FXR2: variants seen among roughly 807,000 people sequenced by gnomAD.
FXR2 encodes the protein FMR1 autosomal homolog 2, also known as RNA-binding protein FXR2.
A neutral mutation model predicts 87.3 loss-of-function variants in FXR2; 9 were observed. The ratio of observed to expected loss-of-function variants is 0.10; its 90% confidence interval spans 0.06 to 0.18. The LOEUF (loss-of-function observed/expected upper bound fraction) is 0.18, where lower values mean the gene tolerates loss of function less well. FXR2 is among the 10% of genes least tolerant of loss of function. The probability of loss-of-function intolerance (pLI) is 1.00; values close to 1 mark genes in which losing one functional copy is unlikely to be tolerated. For missense variants in FXR2, 661 were observed against 893.6 expected (o/e 0.74, Z 3.32); for synonymous variants, 331 against 328.3 (o/e 1.01, Z -0.09).
intron 1 of FXR2, among the ~76,000 whole-genome samples, chr17:7,613,541 C>A (rs1347931744): frequency 1.3e-5 from 2 of 152,204 alleles, no homozygotes; most frequent in African/African-American, 4.8e-5. Flanking sequence ...AAAGATGATC[C>A]CGTCTTCCAA....
intron 1 of FXR2, among the ~76,000 whole-genome samples, chr17:7,609,986 A>ATACATGTATATG (rs1405200404): frequency 3.2e-4 from 31 of 98,032 alleles, no homozygotes; most frequent in African/African-American, 1.2e-3. Context: ...ATACATATAT[A>ATACATGTATATG]TATACATGTA....
intron 1 of FXR2, among the ~76,000 whole-genome samples, chr17:7,612,632 A>G (rs1056916166): frequency 6.6e-5 from 10 of 152,168 alleles, no homozygotes; most frequent in African/African-American, 2.4e-4. Flanking sequence ...GGGTACCCAC[A>G]GTCACCGCAG....
At position 7,596,136 on chromosome 17, in the gene FXR2, G is replaced by A. The variant is rs558520483; in HGVS notation, c.661-142C>T. 2.5e-5 allele frequency: 17 copies of A among 667,922 alleles called. No individual in the cohort carries two copies. The African/African-American group carries it at 2.7e-4, about 11-fold the overall frequency. The allele number at this position is 667,922 out of a possible 1,614,324, so 41.4% of individuals were successfully genotyped here. A position where few individuals can be genotyped will look rare whatever the true frequency, so the allele number is the denominator to read the frequency against. ...CACTCTGGAGTCCGCGGACCACGAG[G>A]ACCTGTGTGGAAAGGTCAGGAACTT... On this transcript the variant is annotated intron_variant, in intron 7 of 16. Coordinates refer to ENST00000250113, the MANE Select transcript of FXR2 (RefSeq NM_004860.4).
rs1192738760 is a variant in FXR2 at position 7,606,105 on chromosome 17, A to G, written c.126T>C (p.Phe42=). The G allele has an allele frequency of 3.9e-6, 6 of 1,541,828 alleles. No homozygotes were observed. The Admixed American group carries it at 7.9e-5, about 20-fold the overall frequency. The change falls in exon 2 of 17, where the codon TTT becomes TTC. Residue 42 remains phenylalanine (F), a synonymous_variant. Coordinates refer to ENST00000250113, the MANE Select transcript of FXR2 (RefSeq NM_004860.4). ...DVHEDSVTIF[F]ENNWQSERQI... ...TATTCCCAAGGTCTTACTTGTTTTC[A>G]AAGAAGATGGTGACAGAGTCTTCAT...
intron 2 of FXR2, 148 bp downstream of exon 2, chr17:7,605,949 C>A: frequency 1.5e-6 from 1 of 660,164 alleles, no homozygotes; most frequent in Non-Finnish European, 2.6e-6. Context: ...AATTCTCAGC[C>A]CTTTCCTCTC....
intron 3 of FXR2, 49 bp from the exon 4 acceptor site, chr17:7,604,129 A>G: frequency 7.2e-7 from 1 of 1,391,474 alleles, no homozygotes; most frequent in Non-Finnish European, 1.0e-6. Context: ...ACCCAAAAGC[A>G]TCAAGAAAGG....
chr17:7,608,442 A>AAATAAT (rs1555572103), intron 1 of FXR2, among the ~76,000 whole-genome samples: 1 of 143,078 alleles, frequency 7.0e-6, no homozygotes, highest in Admixed American at 7.1e-5. Context: ...AAAAAAAAAA[A>AAATAAT]AATAATAATA....
chr17:7,611,622 C>T (rs2071865632), intron 1 of FXR2, among the ~76,000 whole-genome samples: 1 of 151,962 alleles, frequency 6.6e-6, no homozygotes, highest in Admixed American at 6.6e-5. Flanking sequence ...GAGACGACAT[C>T]ACGCCACTGT....
At chr17:7,608,625 AAAAAGAAG>A (rs1435874187) in intron 1 of FXR2, among the ~76,000 whole-genome samples, 136 of 151,018 alleles carry the variant, frequency 9.0e-4, no homozygotes, top group Middle Eastern at 3.4e-3. Context: ...TCAAAAAAAA[AAAAAGAAG>A]AAAAGAAGAA....
At chr17:7,606,587 T>C (rs754703663) in intron 1 of FXR2, among the ~76,000 whole-genome samples, 2 of 152,132 alleles carry the variant, frequency 1.3e-5, no homozygotes, top group Non-Finnish European at 2.9e-5. Flanking sequence ...ACCTCCGCAA[T>C]ACAGCAAGAG....
At chr17:7,602,768 G>A (rs892087329) in intron 6 of FXR2, 141 bp downstream of exon 6, 1 of 578,092 alleles carries the variant, frequency 1.7e-6, no homozygotes, top group Non-Finnish European at 3.1e-6. Context: ...ACCTGGGCCT[G>A]TAGGAGTCAG....
At position 7,592,518 on chromosome 17, in the gene FXR2, C is replaced by A; in HGVS notation, c.1811G>T (p.Gly604Val). The change falls in exon 15 of 17, where the codon GGA (glycine) becomes GTA (valine). Residue 604 changes from glycine (G) to valine (V), a missense_variant. By Grantham distance (109) the Gly-to-Val change is moderately radical (BLOSUM62 -3). Transcript: ENST00000250113. This position sits in a 1 kb window ranked among gnomAD's most constrained non-coding sequence, Gnocchi z 4.8. The part of the protein sequence containing the change: ...RGNRTDGSIS[G>V]DRQPVTVADY... ...AGTTGGCTGACCTGGCTGGCGGTCTCCACTGATAGAGCCATCAGTCCGATT... is the reference window on the plus strand; with the variant it reads ...AGTTGGCTGACCTGGCTGGCGGTCTACACTGATAGAGCCATCAGTCCGATT... 6.2e-7 allele frequency: 1 copy of A among 1,613,770 alleles called. No homozygotes were observed. The highest frequency in any genetic ancestry group is 8.5e-7 in the Non-Finnish European group (1 of 1,179,678).
Position 7,613,953 on chromosome 17 carries a change from G to T in FXR2, c.81+499C>A, listed in dbSNP as rs146024104. The T allele has an allele frequency of 6.4e-4, 280 of 436,396 alleles. 1 individual carries two copies. The highest frequency in any genetic ancestry group is 5.1e-3 in the African/African-American group (254 of 49,456). 27.0% of individuals were successfully genotyped at this position (436,396 alleles called of 1,614,324 possible). The stretch of plus-strand genomic sequence containing the variant: ...TGGCTTGGGAACCGGAATATAAGAT[G>T]AAAGTGGGGTGAGTGTTCCAGAGCC... On this transcript the variant is annotated intron_variant, in intron 1 of 16. Coordinates refer to ENST00000250113, the MANE Select transcript of FXR2 (RefSeq NM_004860.4).
chr17:7,608,638 GAAGAA>G (rs893365102), intron 1 of FXR2, among the ~76,000 whole-genome samples: 8 of 149,968 alleles, frequency 5.3e-5, no homozygotes, highest in Admixed American at 2.0e-4. Flanking sequence ...AAGAAGAAAA[GAAGAA>G]AAGAAAAGAC....
chr17:7,592,776 G>GCGGGAGCGGCGGCGC lies in FXR2; in HGVS notation c.1632_1646dup (p.Ser548_Arg552dup). On this transcript the variant is annotated inframe_insertion, in exon 14 of 17. Coordinates refer to ENST00000250113, the MANE Select transcript of FXR2 (RefSeq NM_004860.4). The surrounding 1 kb of genome is among the most constrained non-coding windows in gnomAD (Gnocchi z 4.8). ...TCCTGTCTTCATCAGTGCGGCGGCG[G>GCGGGAGCGGCGGCGC]CGGGAGCGGCGGCGCCTGGCACTTG... 6.2e-7 allele frequency: 1 copy of GCGGGAGCGGCGGCGC among 1,613,532 alleles called. No individual in the cohort carries two copies. The highest frequency in any genetic ancestry group is 8.5e-7 in the Non-Finnish European group (1 of 1,179,732).
rs982892680 is a variant in FXR2 at position 7,595,210 on chromosome 17, C to T, written c.832-453G>A. Among the ~76,000 whole-genome samples, 15 of 151,688 alleles carry T rather than the reference C, an allele frequency of 9.9e-5. No homozygotes were observed. The highest frequency in any genetic ancestry group is 2.4e-4 in the African/African-American group (10 of 41,288). On this transcript the variant is annotated intron_variant, in intron 8 of 16. Coordinates refer to ENST00000250113, the MANE Select transcript of FXR2 (RefSeq NM_004860.4). This position sits in a 1 kb window ranked among gnomAD's most constrained non-coding sequence, Gnocchi z 4.7. ...CTCACACCCATAATCTCAACAGTTT[C>T]GGAGGCTAAGAAGGGAGGATTGCTT...
intron 4 of FXR2, 27 bp from the exon 5 acceptor site, chr17:7,603,932 T>C: frequency 6.2e-7 from 1 of 1,613,508 alleles, no homozygotes. Flanking sequence ...AAGGAGAAGT[T>C]GTGGATGACC....
chr17:7,612,996 CAAAAAAAAAAAAA>C (rs34323537), intron 1 of FXR2, among the ~76,000 whole-genome samples: 3 of 49,550 alleles, frequency 6.1e-5, no homozygotes, highest in South Asian at 1.2e-3. Flanking sequence ...GACTCCATCT[CAAAAAAAAAAAAA>C]AAAAAAAAAA....
chr17:7,609,890 A>G (rs75117239), intron 1 of FXR2, among the ~76,000 whole-genome samples: 31 of 148,296 alleles, frequency 2.1e-4, no homozygotes, highest in Non-Finnish European at 3.4e-4. Context: ...ACATATACAT[A>G]TATATACACA....
Sources: allele counts gnomAD v4.1 joint callset (sites outside exome capture counted in the v4.1 genomes callset), GRCh38; gene constraint gnomAD v4.1.1; non-coding constraint Gnocchi (gnomAD v3.1); transcripts MANE v1.5; gene names NCBI Gene and HGNC (gene_info 2026-07-23, HGNC 2026-07-21).